Variants in PLAGL1 observed in about 807,000 individuals in gnomAD.
The protein encoded by PLAGL1 is zinc finger protein PLAGL1.
PLAGL1 carries 1 observed loss-of-function variant against 4.6 expected under a neutral mutation model. The ratio of observed to expected loss-of-function variants is 0.22; its 90% CI spans 0.08 to 1.03. PLAGL1 has a LOEUF of 1.03. PLAGL1 is among the 50% of genes least tolerant of loss of function. The probability of loss-of-function intolerance (pLI) is 0.58; values close to 1 mark genes in which losing one functional copy is unlikely to be tolerated. For synonymous variants in PLAGL1, 240 were observed against 237.8 expected (o/e 1.01, Z -0.08); for missense variants, 464 against 570.4 (o/e 0.81, Z 1.90).
rs1780887856 is a variant in PLAGL1, at chr6:143,950,749, T to C, written c.-324-2289A>G. Among the ~76,000 whole-genome samples, 1 of 151,610 alleles carries C rather than the reference T, an allele frequency of 6.6e-6. No homozygotes were observed. The highest frequency in any genetic ancestry group is 2.4e-5 in the African/African-American group (1 of 41,448). On this transcript the variant is annotated intron_variant, in intron 6 of 7. Coordinates refer to ENST00000674357, the MANE Select transcript of PLAGL1 (RefSeq NM_001317162.2). The surrounding 1 kb of genome is among the most constrained non-coding windows in gnomAD (Gnocchi z 6.3). ...ACTTTTCTCAACTTATCTCAGTAAGTTGATTCTCCCCAATTCTTGCTTTAT... is the reference window on the plus strand; with the variant it reads ...ACTTTTCTCAACTTATCTCAGTAAGCTGATTCTCCCCAATTCTTGCTTTAT...
intron 1 of PLAGL1, among the ~76,000 whole-genome samples, chr6:144,049,153 T>C (rs567446852): frequency 4.4e-4 from 67 of 152,350 alleles, no homozygotes; most frequent in Non-Finnish European, 7.8e-4. Flanking sequence ...CCCAAGACTT[T>C]CCTTATCTTC....
intron 1 of PLAGL1, among the ~76,000 whole-genome samples, chr6:144,057,025 A>G (rs1799024217): frequency 6.6e-6 from 1 of 152,110 alleles, no homozygotes; most frequent in Admixed American, 6.5e-5. Flanking sequence ...CTACTGAAGG[A>G]TATATTGGTT....
In PLAGL1 at chr6:143,952,724, A is replaced by T. The variant is rs922742735; in HGVS notation, c.-324-4264T>A. ...TCATCTAATGGGGCACAACTGCTTT[A>T]CAACATTCTTAAAATAAACTGTGAC... On this transcript the variant is annotated intron_variant, in intron 6 of 7. Coordinates refer to ENST00000674357, the MANE Select transcript of PLAGL1 (RefSeq NM_001317162.2). This position sits in a 1 kb window ranked among gnomAD's most constrained non-coding sequence, Gnocchi z 6.1. Among the ~76,000 whole-genome samples, 5 of 152,184 alleles carry T rather than the reference A, an allele frequency of 3.3e-5. No individual in the cohort carries two copies. Among genetic ancestry groups the T allele is most frequent in the African/African-American group, 9.7e-5 (4 of 41,430 alleles).
intron 1 of PLAGL1, among the ~76,000 whole-genome samples, chr6:144,021,085 C>T (rs77516841): frequency 6.6e-6 from 1 of 151,782 alleles, no homozygotes; most frequent in African/African-American, 2.4e-5. Context: ...GATTCCATAG[C>T]CTGTACTATG....
At chr6:144,002,777 T>C (rs1793183794) in intron 1 of PLAGL1, among the ~76,000 whole-genome samples, 1 of 151,932 alleles carries the variant, frequency 6.6e-6, no homozygotes, top group Admixed American at 6.6e-5. Flanking sequence ...AAAGTAACTG[T>C]AGAAGAACTT....
In PLAGL1 at chr6:143,997,384, T is replaced by C. The variant is rs959044528; in HGVS notation, c.-584+10706A>G. Among the ~76,000 whole-genome samples the C allele has an allele frequency of 9.2e-5, 14 of 152,138 alleles. No individual in the cohort carries two copies. Among genetic ancestry groups the C allele is most frequent in the Non-Finnish European group, 2.9e-5 (2 of 68,028 alleles). ...GAACCCAAACTAGAACACACCCACA[T>C]AGCTATTTACAAAATGGATAAACAA... On this transcript the variant is annotated intron_variant, in intron 1 of 7. Transcript: ENST00000674357. This position sits in a 1 kb window ranked among gnomAD's most constrained non-coding sequence, Gnocchi z 4.6.
Position 143,961,499 on chromosome 6 carries a change from A to C in PLAGL1, c.-398-957T>G, listed in dbSNP as rs1055203844. 6.6e-6 allele frequency: 1 copy of C among 152,266 alleles called. No homozygotes were observed. The highest frequency in any genetic ancestry group is 2.4e-5 in the African/African-American group (1 of 41,460). The allele number at this position is 152,266 out of a possible 1,614,324, so 9.4% of individuals were successfully genotyped here. A position where few individuals can be genotyped will look rare whatever the true frequency, so the allele number is the denominator to read the frequency against. ...ACATCCTTTTAAGTTAAAAATGGAAAAACCAAGGCCATTTTGGGACAACTG... is the reference window on the plus strand; with the variant it reads ...ACATCCTTTTAAGTTAAAAATGGAACAACCAAGGCCATTTTGGGACAACTG... On this transcript the variant is annotated intron_variant, in intron 5 of 7. Coordinates refer to ENST00000674357, the MANE Select transcript of PLAGL1 (RefSeq NM_001317162.2). This position sits in a 1 kb window ranked among gnomAD's most constrained non-coding sequence, Gnocchi z 6.5.
rs141784122 is a variant in PLAGL1, at chr6:143,942,231, G to A, written c.585C>T (p.Arg195=). Residue 195 remains arginine, a synonymous_variant, in exon 8 of 8, where the codon CGC becomes CGT. Transcript: ENST00000674357. This position sits in a 1 kb window ranked among gnomAD's most constrained non-coding sequence, Gnocchi z 7.6. ...LCQFCAQRFG[R]KDHLTRHTKK... ...TGGTATGCCGGGTGAGGTGATCCTT[G>A]CGCCCAAATCTCTGGGCACAGAACT... 62 of 1,614,104 alleles carry A rather than the reference G, an allele frequency of 3.8e-5. No individual in the cohort carries two copies. The highest frequency in any genetic ancestry group is 5.3e-5 in the Non-Finnish European group (62 of 1,180,000).
intron 1 of PLAGL1, among the ~76,000 whole-genome samples, chr6:144,042,021 G>T (rs1381599904): frequency 6.6e-6 from 1 of 152,064 alleles, no homozygotes; most frequent in Non-Finnish European, 1.5e-5. Context: ...CCCACTTTTT[G>T]ATGGGGTTGT....
chr6:144,020,204 G>A (rs1795869230), intron 1 of PLAGL1, among the ~76,000 whole-genome samples: 1 of 152,094 alleles, frequency 6.6e-6, no homozygotes, highest in African/African-American at 2.4e-5. Context: ...CCCTAATCTT[G>A]CACTTCCCAG....
intron 1 of PLAGL1, among the ~76,000 whole-genome samples, chr6:144,035,127 G>A (rs1797123626): frequency 6.6e-6 from 1 of 152,110 alleles, no homozygotes; most frequent in Admixed American, 6.5e-5. Flanking sequence ...GTTATCTAGA[G>A]ACACATAACT....
Position 143,998,798 on chromosome 6 carries a change from A to G in PLAGL1, c.-584+9292T>C, listed in dbSNP as rs117814519. Among the ~76,000 whole-genome samples, 1,068 of 152,254 alleles carry G rather than the reference A, an allele frequency of 7.0e-3. 7 individuals are homozygous for G. The highest frequency in any genetic ancestry group is 0.012 in the Non-Finnish European group (832 of 68,002). Reference sequence around the variant, plus strand: ...GGGGAGAAAACATTTAAGGCAGGGGAAATGGCACAAATAAGAACACAGCTG... The same window carrying G: ...GGGGAGAAAACATTTAAGGCAGGGGGAATGGCACAAATAAGAACACAGCTG... On this transcript the variant is annotated intron_variant, in intron 1 of 7. Transcript: ENST00000674357.
In PLAGL1 at chr6:143,941,821, TCAAA is replaced by T. The variant is rs1430539656; in HGVS notation, c.991_994del (p.Phe331ArgfsTer28). 1.2e-6 allele frequency: 2 copies of T among 1,614,232 alleles called. No individual in the cohort carries two copies. The highest frequency in any genetic ancestry group is 1.7e-6 in the Non-Finnish European group (2 of 1,180,034). ...CTGAGGCTCTTGCAGAGGCAAGTCC[TCAAA>T]CAAACTGATATTGCAAAAACCTTTA... On this transcript the variant is annotated frameshift_variant, in exon 8 of 8. Transcript: ENST00000674357. LOFTEE classifies it low-confidence loss of function (END_TRUNC). The surrounding 1 kb of genome is among the most constrained non-coding windows in gnomAD (Gnocchi z 6.0).
At chr6:143,946,625 C>A (rs1243907195) in intron 7 of PLAGL1, among the ~76,000 whole-genome samples, 1 of 152,200 alleles carries the variant, frequency 6.6e-6, no homozygotes, top group African/African-American at 2.4e-5. Context: ...GGGCCAGGAG[C>A]ATAATTTCCA....
intron 1 of PLAGL1, among the ~76,000 whole-genome samples, chr6:144,052,255 AC>A (rs1433253395): frequency 6.6e-6 from 1 of 152,210 alleles, no homozygotes; most frequent in Non-Finnish European, 1.5e-5. Context: ...GGAAAAGACT[AC>A]CACCAAAGAA....
chr6:144,026,180 T>A lies in PLAGL1; in HGVS notation c.-151+38288A>T, dbSNP rs150991097. Among the ~76,000 whole-genome samples, 509 of 152,276 alleles carry A rather than the reference T, an allele frequency of 3.3e-3. 2 individuals carry two copies. The highest frequency in any genetic ancestry group is 0.011 in the African/African-American group (477 of 41,540). On this transcript the variant is annotated intron_variant, in intron 1 of 3. Transcript: ENST00000437412. ...AAAAGATTAGGTTGTTTCGTGTATG[T>A]GTGTGTGTCCTGGATTATGATATAA...
chr6:144,060,490 T>G (rs1201228755), intron 1 of PLAGL1, among the ~76,000 whole-genome samples: 2 of 152,236 alleles, frequency 1.3e-5, no homozygotes, highest in Non-Finnish European at 2.9e-5. Flanking sequence ...ATGTTATACA[T>G]TTTTTGATTA....
rs561920665 is a variant in PLAGL1 at position 144,056,398 on chromosome 6, G to A, written c.-151+8070C>T. Among the ~76,000 whole-genome samples the A allele has an allele frequency of 2.0e-4, 31 of 152,270 alleles. No homozygotes were observed. Among genetic ancestry groups the A allele is most frequent in the African/African-American group, 7.0e-4 (29 of 41,540 alleles). ...TTGACGTTATACATTCTATGTGTTT[G>A]GACAAATTTATAACAGCATATATCT... On this transcript the variant is annotated intron_variant, in intron 1 of 3. Coordinates refer to the PLAGL1 transcript ENST00000437412. The surrounding 1 kb of genome is among the most constrained non-coding windows in gnomAD (Gnocchi z 4.7).
rs117689765 is a variant in PLAGL1 at position 144,002,304 on chromosome 6, G to C, written c.-584+5786C>G. Among the ~76,000 whole-genome samples the C allele has an allele frequency of 5.4e-3, 825 of 152,150 alleles. 4 individuals carry two copies. Among genetic ancestry groups the C allele is most frequent in the Middle Eastern group, 0.01 (3 of 294 alleles). On this transcript the variant is annotated intron_variant, in intron 1 of 7. Coordinates refer to ENST00000674357, the MANE Select transcript of PLAGL1 (RefSeq NM_001317162.2). ...CTGGTAAAGAACATCTACAAAAAAA[G>C]TACAGTAAACATCACCCTTAATAGT...
Sources: allele counts gnomAD v4.1 joint callset (sites outside exome capture counted in the v4.1 genomes callset), GRCh38; gene constraint gnomAD v4.1.1; non-coding constraint Gnocchi (gnomAD v3.1); transcripts MANE v1.5; gene names NCBI Gene and HGNC (gene_info 2026-07-23, HGNC 2026-07-21).